Variants in PPP3CA observed in about 807,000 individuals in gnomAD.
The protein encoded by PPP3CA is protein phosphatase 3 catalytic subunit alpha.
A neutral mutation model predicts 66.5 loss-of-function variants in PPP3CA; 14 were observed. The observed-to-expected ratio is 0.21, with a 90% CI of 0.14 to 0.33. The LOEUF (loss-of-function observed/expected upper bound fraction) is 0.33. Ranked by LOEUF, PPP3CA falls within the 10% of genes least tolerant of loss-of-function variation. The pLI is 1.00. For missense variants in PPP3CA, 317 were observed against 639.5 expected (o/e 0.50, Z 5.44); for synonymous variants, 232 against 226.2 (o/e 1.03, Z -0.23).
intron 2 of PPP3CA, among the ~76,000 whole-genome samples, chr4:101,135,779 A>G (rs1255156231): frequency 6.6e-6 from 1 of 152,218 alleles, no homozygotes; most frequent in Non-Finnish European, 1.5e-5. Flanking sequence ...AAAGTGTGAA[A>G]CACCAAGTCG....
chr4:101,266,979 CTTTTCAGAATACCATGCCTAGCTGTCT>C (rs1017326228), intron 1 of PPP3CA, among the ~76,000 whole-genome samples: 1 of 152,156 alleles, frequency 6.6e-6, no homozygotes, highest in African/African-American at 2.4e-5. Flanking sequence ...CCTAGCTGTC[CTTTTCAGAATACCATGCCTAGCTGTCT>C]TTTTCAGACC....
chr4:101,342,092 G>A (rs769157374), intron 1 of PPP3CA, among the ~76,000 whole-genome samples: 9 of 151,906 alleles, frequency 5.9e-5, no homozygotes, highest in South Asian at 2.1e-4. Flanking sequence ...ATTTCATCTC[G>A]CTAAAATTAC....
chr4:101,049,064 T>C (rs1727897959), intron 10 of PPP3CA, among the ~76,000 whole-genome samples: 1 of 152,144 alleles, frequency 6.6e-6, no homozygotes, highest in Non-Finnish European at 1.5e-5. Flanking sequence ...GTCTTAAAAA[T>C]GGACAGACTA....
intron 1 of PPP3CA, among the ~76,000 whole-genome samples, chr4:101,340,142 T>G (rs906562095): frequency 5.3e-5 from 8 of 152,202 alleles, no homozygotes; most frequent in Non-Finnish European, 8.8e-5. Flanking sequence ...AATATTGAGA[T>G]AGCTTTTATA....
chr4:101,160,048 G>GTATACT (rs1560633220), intron 2 of PPP3CA, among the ~76,000 whole-genome samples: 1 of 152,084 alleles, frequency 6.6e-6, no homozygotes, highest in African/African-American at 2.4e-5. Context: ...GCTAGGATAA[G>GTATACT]GTGACAACTA....
At chr4:101,346,558 G>A (rs1253487359) in intron 1 of PPP3CA, among the ~76,000 whole-genome samples, 181 bp downstream of exon 1, 5 of 152,106 alleles carry the variant, frequency 3.3e-5, no homozygotes, top group Non-Finnish European at 5.9e-5. Context: ...CGTGGGGGAA[G>A]GGCGCCGCGG....
At chr4:101,208,912 T>A (rs1725219821) in intron 1 of PPP3CA, among the ~76,000 whole-genome samples, 1 of 152,176 alleles carries the variant, frequency 6.6e-6, no homozygotes, top group Admixed American at 6.6e-5. Flanking sequence ...TCTTAAATGA[T>A]ATGTAGGGTA....
intron 3 of PPP3CA, among the ~76,000 whole-genome samples, chr4:101,105,097 T>C (rs1361066263): frequency 1.3e-5 from 2 of 152,016 alleles, no homozygotes; most frequent in Non-Finnish European, 2.9e-5. Flanking sequence ...AGATTAATTG[T>C]AGACTTTAAA....
At chr4:101,109,175 T>C in intron 2 of PPP3CA, 97 bp from the exon 3 acceptor site, 1 of 1,242,638 alleles carries the variant, frequency 8.0e-7, no homozygotes, top group South Asian at 1.5e-5. Context: ...TAATTTCAAG[T>C]TTATCTGAGC....
chr4:101,162,619 G>GT (rs1362787163), intron 2 of PPP3CA, among the ~76,000 whole-genome samples: 1 of 152,014 alleles, frequency 6.6e-6, no homozygotes, highest in African/African-American at 2.4e-5. Context: ...TTGACACTTT[G>GT]TGGAATATAA....
intron 1 of PPP3CA, among the ~76,000 whole-genome samples, chr4:101,268,815 C>T (rs1236097768): frequency 6.6e-6 from 1 of 152,032 alleles, no homozygotes; most frequent in South Asian, 2.1e-4. Flanking sequence ...AAAAAAAAGT[C>T]AAAGGACAAT....
rs151179602 is a variant in PPP3CA, at chr4:101,196,831, C to T, written c.59-715G>A. Among the ~76,000 whole-genome samples, 391 of 152,282 alleles carry T rather than the reference C, an allele frequency of 2.6e-3. 1 individual carries two copies. The highest frequency in any genetic ancestry group is 4.3e-3 in the Non-Finnish European group (292 of 68,028). On this transcript the variant is annotated intron_variant, in intron 1 of 13. Transcript: ENST00000394854. ...GCAATCATTCTCTCTTCCACTCACC[C>T]GCATCTTCTTAACAGCAAGAAGCTC...
intron 1 of PPP3CA, among the ~76,000 whole-genome samples, chr4:101,213,282 C>T (rs1725362949): frequency 6.6e-6 from 1 of 152,206 alleles, no homozygotes; most frequent in East Asian, 1.9e-4. Flanking sequence ...TACTATGAAA[C>T]AGTGTATGAC....
chr4:101,070,760 C>T (rs1278321749), intron 8 of PPP3CA, among the ~76,000 whole-genome samples: 2 of 152,086 alleles, frequency 1.3e-5, no homozygotes, highest in Non-Finnish European at 2.9e-5. Context: ...TTATAATTCC[C>T]ACCTAATGTG....
chr4:101,158,367 G>C (rs1335846457), intron 2 of PPP3CA: 1 of 152,216 alleles, frequency 6.6e-6, no homozygotes, highest in Non-Finnish European at 1.5e-5. Context: ...ACAAATGGAA[G>C]CCTGGTGGGC....
chr4:101,280,165 A>C (rs532047146), intron 1 of PPP3CA, among the ~76,000 whole-genome samples: 9 of 152,220 alleles, frequency 5.9e-5, no homozygotes, highest in Non-Finnish European at 1.0e-4. Flanking sequence ...AAAGCAATAA[A>C]CAGACAAATA....
At chr4:101,243,455 C>T (rs897701348) in intron 1 of PPP3CA, among the ~76,000 whole-genome samples, 1 of 151,922 alleles carries the variant, frequency 6.6e-6, no homozygotes, top group African/African-American at 2.4e-5. Flanking sequence ...TGGATTCAAC[C>T]AAAGGCAAAT....
At chr4:101,185,604 T>G (rs948129071) in intron 2 of PPP3CA, among the ~76,000 whole-genome samples, 28 of 152,194 alleles carry the variant, frequency 1.8e-4, no homozygotes, top group African/African-American at 6.8e-4. Flanking sequence ...GGTTGCATGA[T>G]GTTGAGGGAA....
At chr4:101,203,217 C>T (rs527731488) in intron 1 of PPP3CA, among the ~76,000 whole-genome samples, 2 of 152,286 alleles carry the variant, frequency 1.3e-5, no homozygotes, top group African/African-American at 4.8e-5. Flanking sequence ...TATTCCTCAG[C>T]CGGGTGCGGT....
Sources: gnomAD v4.1 joint callset for allele counts (sites outside exome capture counted in the v4.1 genomes callset) on GRCh38, gnomAD v4.1.1 for gene constraint, MANE v1.5 for transcripts, NCBI Gene and HGNC (gene_info 2026-07-23, HGNC 2026-07-21) for gene names.